Variants in RRP1B observed in about 807,000 individuals in gnomAD.
RRP1B encodes ribosomal RNA processing 1B, also known as ribosomal RNA processing protein 1 homolog B.
RRP1B carries 56 observed loss-of-function variants against 80.2 expected under a neutral mutation model. That is an observed-to-expected ratio of 0.70 (90% CI 0.56 to 0.87). RRP1B has a LOEUF of 0.87. Among genes scored for constraint, RRP1B ranks in the 40% least tolerant of loss-of-function variants. The pLI is 0.00. For synonymous variants in RRP1B, 351 were observed against 357.6 expected (o/e 0.98, Z 0.21); for missense variants, 807 against 939.8 (o/e 0.86, Z 1.85).
chr21:43,669,784 A>G, intron 1 of RRP1B, 100 bp from the exon 2 acceptor site: 2 of 785,828 alleles, frequency 2.5e-6, no homozygotes, highest in Non-Finnish European at 4.1e-6. Flanking sequence ...AGACGTGCAA[A>G]CGAAAGAGAA....
chr21:43,667,216 C>T (rs1458669204), intron 1 of RRP1B, among the ~76,000 whole-genome samples: 1 of 151,760 alleles, frequency 6.6e-6, no homozygotes, highest in Non-Finnish European at 1.5e-5. Flanking sequence ...TTCTTAATAT[C>T]GTTTGTTTGT....
chr21:43,671,866 A>G (rs2083000739), intron 2 of RRP1B, among the ~76,000 whole-genome samples: 1 of 151,414 alleles, frequency 6.6e-6, no homozygotes, highest in African/African-American at 2.4e-5. Context: ...TTGAATTTTT[A>G]GTAGAGATGT....
intron 1 of RRP1B, among the ~76,000 whole-genome samples, chr21:43,667,444 T>C (rs2082982813): frequency 6.6e-6 from 1 of 152,152 alleles, no homozygotes; most frequent in African/African-American, 2.4e-5. Flanking sequence ...AGACAGGGTC[T>C]TGCTCTGTCG....
intron 10 of RRP1B, among the ~76,000 whole-genome samples, chr21:43,685,148 G>C (rs2083058169): frequency 6.6e-6 from 1 of 152,154 alleles, no homozygotes; most frequent in South Asian, 2.1e-4. Context: ...ACAACTGTCT[G>C]ATCACACTCT....
intron 3 of RRP1B, among the ~76,000 whole-genome samples, chr21:43,673,350 A>G (rs1403366953): frequency 6.6e-6 from 1 of 152,204 alleles, no homozygotes; most frequent in Non-Finnish European, 1.5e-5. Flanking sequence ...TCAAAAGACC[A>G]AGGCCAGGCA....
chr21:43,684,419 C>G (rs1323116791), intron 9 of RRP1B, 134 bp from the exon 10 acceptor site: 5 of 747,948 alleles, frequency 6.7e-6, no homozygotes, highest in Non-Finnish European at 1.2e-5. Context: ...GTTGCCAAGT[C>G]CCAGCACAAG....
In RRP1B at chr21:43,691,890, G is replaced by T. The variant is rs1019098837; in HGVS notation, c.2083+388G>T. ...TCAAACTCCTGACCTCAGGTGATCT[G>T]CCTGCCTCGGCCTCCCAAAGATCTG... On this transcript the variant is annotated intron_variant, in intron 15 of 15. Coordinates refer to ENST00000340648, the MANE Select transcript of RRP1B (RefSeq NM_015056.3). This position sits in a 1 kb window ranked among gnomAD's most constrained non-coding sequence, Gnocchi z 4.2. 1.3e-5 allele frequency among the ~76,000 whole-genome samples: 2 copies of T among 151,990 alleles called. No homozygotes were observed. The highest frequency in any genetic ancestry group is 2.9e-5 in the Non-Finnish European group (2 of 68,004).
chr21:43,674,775 T>C (rs2083014845), intron 5 of RRP1B, 78 bp downstream of exon 5: 1 of 1,298,440 alleles, frequency 7.7e-7, no homozygotes, highest in Non-Finnish European at 1.1e-6. Context: ...TCTGAACTTG[T>C]AGAGTACCAA....
chr21:43,675,373 G>A (rs1387031349), intron 6 of RRP1B, among the ~76,000 whole-genome samples: 1 of 152,146 alleles, frequency 6.6e-6, no homozygotes, highest in African/African-American at 2.4e-5. Flanking sequence ...CCTGTAAAAC[G>A]GAATTGAAAG....
chr21:43,684,543 T>TC lies in RRP1B; in HGVS notation c.892-8dup. 6.2e-7 allele frequency: 1 copy of TC among 1,613,098 alleles called. No individual in the cohort carries two copies. Among genetic ancestry groups the TC allele is most frequent in the African/African-American group, 1.3e-5 (1 of 75,030 alleles). On this transcript the variant is annotated splice_polypyrimidine_tract_variant and intron_variant, in intron 9 of 15. Transcript: ENST00000340648. ...CTGCAGACTTATGTTTAGTTTCTCT[T>TC]CCTGCCTAGTTTGACTATAAGGCTG... is the stretch of plus-strand genomic sequence containing the variant.
intron 8 of RRP1B, 80 bp downstream of exon 8, chr21:43,676,994 G>A (rs1001906530): frequency 2.6e-5 from 37 of 1,406,870 alleles, no homozygotes; most frequent in Non-Finnish European, 3.5e-5. Context: ...TACATTTGTT[G>A]GCATCTTACT....
chr21:43,672,242 G>A lies in RRP1B; in HGVS notation c.214-66G>A, dbSNP rs374341569. On this transcript the variant is annotated intron_variant, in intron 2 of 15. Transcript: ENST00000340648. ...CGGAAGTGGGAGAAGGAAGCAGGCC[G>A]CGGCACAGGCATCTCATGTTGCCCC... 632 of 1,425,936 alleles carry A rather than the reference G, an allele frequency of 4.4e-4. 1 individual carries two copies. Among genetic ancestry groups the A allele is most frequent in the Non-Finnish European group, 6.0e-4 (610 of 1,010,824 alleles). 88.3% of individuals were successfully genotyped at this position (1,425,936 alleles called of 1,614,324 possible).
In RRP1B at chr21:43,659,912, G is replaced by C. The variant is rs2082942535; in HGVS notation, c.130+118G>C. On this transcript the variant is annotated intron_variant, in intron 1 of 15. Coordinates refer to ENST00000340648, the MANE Select transcript of RRP1B (RefSeq NM_015056.3). The surrounding 1 kb of genome is among the most constrained non-coding windows in gnomAD (Gnocchi z 4.2). ...CACGTGTTGTCGTGACACCCAGCGTGTGCTTCGGTTTCCGCGCTGCCGGAA... is the reference window on the plus strand; with the variant it reads ...CACGTGTTGTCGTGACACCCAGCGTCTGCTTCGGTTTCCGCGCTGCCGGAA... The C allele has an allele frequency of 8.5e-7, 1 of 1,178,132 alleles. No individual in the cohort carries two copies. Among genetic ancestry groups the C allele is most frequent in the Non-Finnish European group, 1.1e-6 (1 of 901,190 alleles). The allele number at this position is 1,178,132 out of a possible 1,614,324, so 73.0% of individuals were successfully genotyped here.
chr21:43,659,662 G>T lies in RRP1B; in HGVS notation c.-3G>T. 6.7e-7 allele frequency: 1 copy of T among 1,502,154 alleles called. No homozygotes were observed. The highest frequency in any genetic ancestry group is 1.3e-5 in the South Asian group (1 of 79,114). 93.1% of individuals were successfully genotyped at this position (1,502,154 alleles called of 1,614,324 possible). A position where few individuals can be genotyped will look rare whatever the true frequency, so the allele number is the denominator to read the frequency against. ...CGCGGCCGGGGATGCTCCAGCGGGC[G>T]CGATGGCCCCCGCCATGCAGCCGGC... On this transcript the variant is annotated 5_prime_UTR_variant, in exon 1 of 16. Transcript: ENST00000340648. This position sits in a 1 kb window ranked among gnomAD's most constrained non-coding sequence, Gnocchi z 4.2.
Position 43,691,943 on chromosome 21 carries a change from G to C in RRP1B, c.2083+441G>C, listed in dbSNP as rs60133523. Among the ~76,000 whole-genome samples the C allele has an allele frequency of 6.6e-6, 1 of 151,738 alleles. No homozygotes were observed. Among genetic ancestry groups the C allele is most frequent in the Non-Finnish European group, 1.5e-5 (1 of 67,944 alleles). ...ATTACAAGCGTGAGCCACCGAGCCC[G>C]GCCCCTCACTGCCCATTTCTGAGTC... is the stretch of plus-strand genomic sequence containing the variant. On this transcript the variant is annotated intron_variant, in intron 15 of 15. Coordinates refer to ENST00000340648, the MANE Select transcript of RRP1B (RefSeq NM_015056.3). The surrounding 1 kb of genome is among the most constrained non-coding windows in gnomAD (Gnocchi z 4.2).
rs1231740210 is a variant in RRP1B, at chr21:43,676,835, G to C, written c.717G>C (p.Val239=). The change falls in exon 8 of 16, where the codon GTG becomes GTC. Residue 239 remains valine, a synonymous_variant. Coordinates refer to ENST00000340648, the MANE Select transcript of RRP1B (RefSeq NM_015056.3). ...EETMEEQKTK[V]GDGDLSAEEI... ...CGATGGAGGAACAGAAGACAAAAGT[G>C]GGTGATGGTGACCTCTCTGCTGAGG... 19 of 1,614,234 alleles carry C rather than the reference G, an allele frequency of 1.2e-5. No individual in the cohort carries two copies. Among genetic ancestry groups the C allele is most frequent in the Non-Finnish European group, 1.6e-5 (19 of 1,180,016 alleles).
chr21:43,681,013 T>TC (rs1396235388), intron 8 of RRP1B, among the ~76,000 whole-genome samples: 1 of 152,018 alleles, frequency 6.6e-6, no homozygotes, highest in Non-Finnish European at 1.5e-5. Context: ...GCCCAGGCAG[T>TC]CGGATAACTT....
intron 4 of RRP1B, 66 bp from the exon 5 acceptor site, chr21:43,674,570 A>T (rs2083013387): frequency 8.3e-7 from 1 of 1,202,370 alleles, no homozygotes; most frequent in African/African-American, 1.8e-5. Flanking sequence ...GAGCTGATTA[A>T]TATTTCTTAC....
intron 15 of RRP1B, among the ~76,000 whole-genome samples, chr21:43,692,046 T>G (rs1037098321): frequency 6.6e-6 from 1 of 152,132 alleles, no homozygotes; most frequent in Non-Finnish European, 1.5e-5. Context: ...GGGCAGCCAA[T>G]TGCCTGGGAC....
Sources: allele counts gnomAD v4.1 joint callset (sites outside exome capture counted in the v4.1 genomes callset), GRCh38; gene constraint gnomAD v4.1.1; non-coding constraint Gnocchi (gnomAD v3.1); transcripts MANE v1.5; gene names NCBI Gene and HGNC (gene_info 2026-07-23, HGNC 2026-07-21).